The following TMEM235 variants were observed in gnomAD, a reference collection of about 807,000 sequenced individuals.
TMEM235 encodes the protein transmembrane protein 235.
Under a neutral mutation model 22.9 loss-of-function variants are expected in TMEM235, and 23 were observed. The ratio of observed to expected loss-of-function variants is 1.00; its 90% CI spans 0.72 to 1.42. The LOEUF (loss-of-function observed/expected upper bound fraction) is 1.42. TMEM235 is among the 40% of genes most tolerant of loss of function. The pLI, the probability that TMEM235 is intolerant of heterozygous loss-of-function variation, is 0.00. For missense variants in TMEM235, 308 were observed against 299.5 expected, an observed-to-expected ratio of 1.03 and a Z score of -0.21; for synonymous variants, 137 against 140.5, an observed-to-expected ratio of 0.98 and a Z score of 0.17.
At chr17:78,234,132 TC>T in intron 3 of TMEM235, 157 bp downstream of exon 2, 1 of 743,032 alleles carries the variant, frequency 1.3e-6, no homozygotes. Flanking sequence ...TGTGCTGCTG[TC>T]CCTAACCACA....
exon 6 of TMEM235, chr17:78,240,676 T>C (rs1192521544): frequency 6.6e-6 from 1 of 152,290 alleles, no homozygotes; most frequent in Non-Finnish European, 1.5e-5. Context: ...TGTAGCTTGA[T>C]CTTCCTCCAC....
At position 78,236,422 on chromosome 17, in the gene TMEM235, C is replaced by T. The variant is rs115697906; in HGVS notation, c.409+1692C>T. Among the ~76,000 whole-genome samples the T allele has an allele frequency of 5.3e-3, 807 of 152,352 alleles. 6 individuals carry two copies. Among genetic ancestry groups the T allele is most frequent in the African/African-American group, 0.018 (762 of 41,578 alleles). ...AGACTGTAACCGGTAACCACCCATC[C>T]ACTGACGCGGCTCCAGCTCTGACTA... On this transcript the variant is annotated intron_variant, in intron 4 of 5. Coordinates refer to ENST00000421688, the Ensembl canonical transcript of TMEM235.
At chr17:78,234,673 T>G (rs1025990023) in exon 4 of TMEM235, 3 of 1,536,058 alleles carry the variant, frequency 2.0e-6, no homozygotes, top group Admixed American at 2.0e-5. Flanking sequence ...CCTGCTCAGC[T>G]CCCTGGCCCA....
exon 5 of TMEM235, chr17:78,239,218 C>T (rs1277678583): frequency 6.5e-7 from 1 of 1,543,284 alleles, no homozygotes; most frequent in Non-Finnish European, 8.7e-7. Context: ...TGCCTGGACC[C>T]TCAGCCTGAG....
Position 78,239,211 on chromosome 17 carries a change from C to G in TMEM235, c.597C>G (p.Ala199=), listed in dbSNP as rs777458009. ...GCGGAACCCTCCTGCTCTCAGCTGC[C>G]TGGACCCTCAGCCTGAGCCCCCCAA... The change falls in exon 5 of 6, where the codon GCC becomes GCG. Residue 199 remains alanine (A), a synonymous_variant. Coordinates refer to ENST00000421688, the Ensembl canonical transcript of TMEM235. The G allele has an allele frequency of 9.3e-5, 144 of 1,543,426 alleles. No homozygotes were observed. In the Middle Eastern group the frequency reaches 1.7e-3, roughly 18 times the overall value.
chr17:78,232,113 C>T (rs2076588445), exon 2 of TMEM235: 1 of 1,479,832 alleles, frequency 6.8e-7, no homozygotes, highest in Non-Finnish European at 8.9e-7. Flanking sequence ...CCAGCGACTA[C>T]TGGTACATCC....
chr17:78,239,881 C>T (rs140627927), exon 6 of TMEM235: 675 of 1,551,446 alleles, frequency 4.4e-4, no homozygotes, highest in Non-Finnish European at 5.5e-4. Flanking sequence ...TCTGTTCTGT[C>T]CACTCTCCCC....
At chr17:78,240,042 C>G in exon 6 of TMEM235, 1 of 1,487,518 alleles carries the variant, frequency 6.7e-7, no homozygotes, top group Admixed American at 2.1e-5. Context: ...TCACTGAGCA[C>G]TTCCGGGAAG....
At chr17:78,231,482 T>C in exon 2 of TMEM235, 1 of 1,303,566 alleles carries the variant, frequency 7.7e-7, no homozygotes, top group South Asian at 1.2e-5. Context: ...GGATGCCGTC[T>C]GGTTGGTCCT....
At chr17:78,234,191 T>C (rs1487306428) in intron 3 of TMEM235, 2 of 703,956 alleles carry the variant, frequency 2.8e-6, no homozygotes, top group Admixed American at 4.0e-5. Context: ...TCAGTTTCCC[T>C]CTCAGTGGTG....
intron 5 of TMEM235, among the ~76,000 whole-genome samples, 173 bp from the exon 5 acceptor site, chr17:78,239,607 G>T (rs951044601): frequency 3.9e-5 from 6 of 152,096 alleles, no homozygotes; most frequent in Non-Finnish European, 8.8e-5. Context: ...ACCTCTCAAG[G>T]GTGTGGCCTG....
At chr17:78,234,376 G>A (rs1039789058) in intron 3 of TMEM235, 6 of 756,024 alleles carry the variant, frequency 7.9e-6, no homozygotes, top group Non-Finnish European at 1.4e-5. Context: ...GCCTGGGGAT[G>A]GGGGCTGGGA....
At chr17:78,234,335 C>T in intron 3 of TMEM235, 1 of 703,988 alleles carries the variant, frequency 1.4e-6, no homozygotes, top group Non-Finnish European at 2.6e-6. Flanking sequence ...TGGCTGGCAC[C>T]TTCCACCTGG....
exon 2 of TMEM235, chr17:78,232,100 T>C: frequency 1.4e-6 from 2 of 1,466,510 alleles, no homozygotes; most frequent in Non-Finnish European, 1.8e-6. Flanking sequence ...GCCGCCGCGG[T>C]CGCCAGCGAC....
At chr17:78,233,081 T>G (rs1357317688) in intron 2 of TMEM235, among the ~76,000 whole-genome samples, 5 of 152,198 alleles carry the variant, frequency 3.3e-5, no homozygotes, top group Admixed American at 3.3e-4. Flanking sequence ...TTAGGAGCCT[T>G]GTGTTCATCC....
rs1567873874 is a variant in TMEM235 at position 78,234,706 on chromosome 17, AC to A, written c.387del (p.Gly130AlafsTer10). The A allele has an allele frequency of 3.3e-6, 5 of 1,535,844 alleles. No homozygotes were observed. The Admixed American group carries it at 9.8e-5, about 30-fold the overall frequency. On this transcript the variant is annotated frameshift_variant, in exon 4 of 6. Transcript: ENST00000421688. LOFTEE classifies it high-confidence loss of function. Reference sequence around the variant, plus strand: ...CCAGAGCGTGTCTCTGCTGCTTTTCACCGGCTGCTACTTCCTGCTGGGGAGT... The same window carrying A: ...CCAGAGCGTGTCTCTGCTGCTTTTCACGGCTGCTACTTCCTGCTGGGGAGT...
Position 78,238,926 on chromosome 17 carries a change from G to T in TMEM235, c.410-98G>T, listed in dbSNP as rs2076675410. The stretch of plus-strand genomic sequence containing the variant: ...TGCCTGCAGCTCTGCCTGAATGCTA[G>T]CGGGGCCGGGGATGCTGAGGCCATG... On this transcript the variant is annotated intron_variant, in intron 4 of 5. Transcript: ENST00000421688. This position sits in a 1 kb window ranked among gnomAD's most constrained non-coding sequence, Gnocchi z 4.3. 3.4e-6 allele frequency: 5 copies of T among 1,455,788 alleles called. No homozygotes were observed. In the East Asian group the frequency reaches 1.0e-4, roughly 29 times the overall value. The allele number at this position is 1,455,788 out of a possible 1,614,324, so 90.2% of individuals were successfully genotyped here.
At chr17:78,232,005 C>A in exon 2 of TMEM235, 1 of 1,258,424 alleles carries the variant, frequency 7.9e-7, no homozygotes, top group Non-Finnish European at 1.0e-6. Flanking sequence ...CGACCCGTCC[C>A]CTCCCGCCGG....
exon 2 of TMEM235, chr17:78,232,128 G>T (rs1411044131): frequency 6.7e-7 from 1 of 1,491,600 alleles, no homozygotes; most frequent in African/African-American, 1.4e-5. Context: ...ACATCCTGGA[G>T]GTGGCGGACG....
Sources: gnomAD v4.1 joint callset for allele counts (sites outside exome capture counted in the v4.1 genomes callset) on GRCh38, gnomAD v4.1.1 for gene constraint, Gnocchi (gnomAD v3.1) non-coding constraint, MANE v1.5 for transcripts, NCBI Gene and HGNC (gene_info 2026-07-23, HGNC 2026-07-21) for gene names.